Variants in DLG2 observed in about 807,000 individuals in gnomAD.
DLG2 encodes discs large MAGUK scaffold protein 2.
A neutral mutation model predicts 132.5 loss-of-function variants in DLG2; 45 were observed. That is an observed-to-expected ratio of 0.34 (90% CI 0.27 to 0.44). DLG2 has a LOEUF of 0.44. Ranked by LOEUF, DLG2 falls within the 20% of genes least tolerant of loss-of-function variation. DLG2 has a pLI of 1.00. For synonymous variants in DLG2, 424 were observed against 419.6 expected (o/e 1.01, Z -0.13); for missense variants, 1,045 against 1,196.9 (o/e 0.87, Z 1.87).
intron 18 of DLG2, among the ~76,000 whole-genome samples, chr11:83,773,975 T>C (rs1465342401): frequency 6.6e-6 from 1 of 152,206 alleles, no homozygotes; most frequent in Non-Finnish European, 1.5e-5. Context: ...AACTGTTTTT[T>C]GGTGGTAAGA....
chr11:83,868,334 T>A (rs2062787586), intron 16 of DLG2, among the ~76,000 whole-genome samples: 1 of 152,152 alleles, frequency 6.6e-6, no homozygotes, highest in South Asian at 2.1e-4. Flanking sequence ...TCTGTCTTTA[T>A]TGGACTATAA....
chr11:85,292,791 C>A (rs576296640), intron 3 of DLG2, among the ~76,000 whole-genome samples: 2 of 147,534 alleles, frequency 1.4e-5, no homozygotes, highest in Non-Finnish European at 3.0e-5. Flanking sequence ...GGGGGTGGGG[C>A]AGAGAGATTA....
intron 4 of DLG2, among the ~76,000 whole-genome samples, chr11:85,182,616 TG>T (rs1286997500): frequency 1.3e-5 from 2 of 150,976 alleles, no homozygotes; most frequent in African/African-American, 4.9e-5. Flanking sequence ...AGAAATGGGG[TG>T]GGGTAGACTT....
intron 6 of DLG2, among the ~76,000 whole-genome samples, chr11:84,754,525 T>C (rs190925752): frequency 2.0e-5 from 3 of 152,262 alleles, no homozygotes; most frequent in East Asian, 1.9e-4. Context: ...AATTATACAA[T>C]ATATATTTTA....
intron 8 of DLG2, among the ~76,000 whole-genome samples, chr11:84,177,832 G>A (rs1456532618): frequency 6.6e-6 from 1 of 152,070 alleles, no homozygotes; most frequent in East Asian, 1.9e-4. Flanking sequence ...TCTGGCACAT[G>A]ATAAATGTTA....
At chr11:83,969,192 A>G (rs764475224) in intron 12 of DLG2, among the ~76,000 whole-genome samples, 2 of 152,292 alleles carry the variant, frequency 1.3e-5, no homozygotes, top group Non-Finnish European at 2.9e-5. Flanking sequence ...TGTCAAAGCC[A>G]TCAATTGGAT....
chr11:85,173,780 T>C (rs1424189406), intron 4 of DLG2, among the ~76,000 whole-genome samples: 2 of 151,752 alleles, frequency 1.3e-5, no homozygotes, highest in Admixed American at 6.6e-5. Context: ...TGGAGGAAAA[T>C]TTACCAAGCA....
chr11:84,358,924 C>A (rs1384145688), intron 7 of DLG2, among the ~76,000 whole-genome samples: 1 of 151,862 alleles, frequency 6.6e-6, no homozygotes, highest in Non-Finnish European at 1.5e-5. Flanking sequence ...AATAAAAAAG[C>A]TGAGATTTCA....
At chr11:84,514,944 G>A (rs1174532372) in intron 7 of DLG2, among the ~76,000 whole-genome samples, 3 of 151,640 alleles carry the variant, frequency 2.0e-5, no homozygotes, top group South Asian at 2.1e-4. Flanking sequence ...TACACCTACT[G>A]TGTACCCAGA....
chr11:83,736,465 G>A (rs2091910451), intron 18 of DLG2, among the ~76,000 whole-genome samples: 1 of 152,066 alleles, frequency 6.6e-6, no homozygotes, highest in African/African-American at 2.4e-5. Context: ...GAAAGATACA[G>A]AGATTCTGCA....
At chr11:84,044,854 G>A (rs139087014) in intron 11 of DLG2, among the ~76,000 whole-genome samples, 12 of 151,748 alleles carry the variant, frequency 7.9e-5, no homozygotes, top group Admixed American at 2.6e-4. Flanking sequence ...TCAATCACCC[G>A]TACAATCTCA....
At chr11:84,573,855 C>T (rs573034816) in intron 6 of DLG2, among the ~76,000 whole-genome samples, 5 of 152,142 alleles carry the variant, frequency 3.3e-5, no homozygotes, top group Admixed American at 2.0e-4. Context: ...ATGCTCCAGA[C>T]TGGCAAACTC....
chr11:85,181,039 T>C (rs2079656021), intron 4 of DLG2, among the ~76,000 whole-genome samples: 1 of 151,576 alleles, frequency 6.6e-6, no homozygotes. Context: ...TTATCAATTG[T>C]TTATTATTTA....
chr11:85,193,506 T>C (rs1306664477), intron 4 of DLG2, among the ~76,000 whole-genome samples: 2 of 152,254 alleles, frequency 1.3e-5, no homozygotes, highest in South Asian at 4.1e-4. Flanking sequence ...GGCTGCACTA[T>C]TGTAAATTTC....
chr11:84,410,062 A>T (rs575289774), intron 7 of DLG2, among the ~76,000 whole-genome samples: 1 of 152,298 alleles, frequency 6.6e-6, no homozygotes, highest in Admixed American at 6.5e-5. Flanking sequence ...CTGGAAGGTA[A>T]CTCCTAGGCA....
At chr11:83,787,442 C>A (rs1453744147) in intron 17 of DLG2, among the ~76,000 whole-genome samples, 1 of 150,718 alleles carries the variant, frequency 6.6e-6, no homozygotes, top group Non-Finnish European at 1.5e-5. Flanking sequence ...CTGCCTCAGC[C>A]TCCCAAGTAG....
chr11:84,906,646 T>C (rs1591043001), intron 6 of DLG2, among the ~76,000 whole-genome samples: 1 of 152,200 alleles, frequency 6.6e-6, no homozygotes, highest in East Asian at 1.9e-4. Context: ...ACCATGGAAT[T>C]TGAAGTCTAT....
intron 7 of DLG2, among the ~76,000 whole-genome samples, chr11:84,491,956 T>G (rs1374348980): frequency 1.3e-5 from 2 of 152,150 alleles, no homozygotes; most frequent in Non-Finnish European, 2.9e-5. Context: ...GTGTGTTACT[T>G]TCCCATTGCA....
At chr11:83,937,619 T>A (rs2081785111) in intron 14 of DLG2, among the ~76,000 whole-genome samples, 1 of 151,716 alleles carries the variant, frequency 6.6e-6, no homozygotes, top group Non-Finnish European at 1.5e-5. Context: ...TTAAAGATGC[T>A]CCTACAACTC....
Sources: gnomAD v4.1 joint callset for allele counts (sites outside exome capture counted in the v4.1 genomes callset) on GRCh38, gnomAD v4.1.1 for gene constraint, MANE v1.5 for transcripts, NCBI Gene and HGNC (gene_info 2026-07-23, HGNC 2026-07-21) for gene names.